Variants in SPESP1 observed in about 807,000 individuals in gnomAD.
The protein encoded by SPESP1 is sperm equatorial segment protein 1, also known as equatorial segment protein.
Under a neutral mutation model 3.1 loss-of-function variants are expected in SPESP1, and 1 was observed. The ratio of observed to expected loss-of-function variants is 0.33; its 90% CI spans 0.12 to 1.54. The LOEUF (loss-of-function observed/expected upper bound fraction) is 1.54. SPESP1 is among the 40% of genes most tolerant of loss of function. The pLI is 0.38. For missense variants in SPESP1, 398 were observed against 410.1 expected (o/e 0.97, Z 0.26); for synonymous variants, 138 against 150.7 (o/e 0.92, Z 0.62).
chr15:68,936,631 T>A (rs1443132233), intron 1 of SPESP1, among the ~76,000 whole-genome samples: 4 of 152,204 alleles, frequency 2.6e-5, no homozygotes. Flanking sequence ...TGGTGGTGAT[T>A]GCACCACTCT....
chr15:68,933,833 T>C (rs916162699), intron 1 of SPESP1, among the ~76,000 whole-genome samples: 3 of 150,992 alleles, frequency 2.0e-5, no homozygotes, highest in Admixed American at 2.0e-4. Flanking sequence ...CATTCCAGCC[T>C]GGCTGACAGA....
intron 1 of SPESP1, among the ~76,000 whole-genome samples, chr15:68,934,449 G>C (rs1362938616): frequency 6.6e-6 from 1 of 152,200 alleles, no homozygotes; most frequent in African/African-American, 2.4e-5. Context: ...TAGTGCCCAA[G>C]GCTACAGCAT....
intron 1 of SPESP1, among the ~76,000 whole-genome samples, 163 bp downstream of exon 1, chr15:68,930,880 C>G (rs571393317): frequency 2.8e-4 from 42 of 152,238 alleles, no homozygotes; most frequent in African/African-American, 9.6e-4. Flanking sequence ...TCCCTCTCCT[C>G]TCCTGGTCAG....
rs1296800197 is a variant in SPESP1 at position 68,946,176 on chromosome 15, T to G, written c.642T>G (p.Phe214Leu). ...CTGCGATAGAAAAACCCGAAGAGTT[T>G]GGAAAGCACCCAGAGAGTTGGAATA... ...GETAIEKPEE[F>L]GKHPESWNND... Residue 214 changes from phenylalanine (F) to leucine (L), a missense_variant, in exon 2 of 2, where the codon TTT becomes TTG. Physicochemically the swap from Phe to Leu is conservative, Grantham distance 22 (BLOSUM62 0). Coordinates refer to ENST00000310673, the MANE Select transcript of SPESP1 (RefSeq NM_145658.4). The G allele has an allele frequency of 1.2e-6, 2 of 1,614,168 alleles. No homozygotes were observed. The highest frequency in any genetic ancestry group is 2.2e-5 in the South Asian group (2 of 91,076).
chr15:68,940,123 A>G (rs1407657686), intron 1 of SPESP1, among the ~76,000 whole-genome samples: 1 of 152,174 alleles, frequency 6.6e-6, no homozygotes, highest in African/African-American at 2.4e-5. Context: ...TATTACTATT[A>G]TTAGCATTTC....
At chr15:68,942,981 A>G (rs570342012) in intron 1 of SPESP1, among the ~76,000 whole-genome samples, 3 of 152,244 alleles carry the variant, frequency 2.0e-5, no homozygotes, top group Admixed American at 6.5e-5. Flanking sequence ...TTTTTATACA[A>G]TTTTGGTTTG....
intron 1 of SPESP1, among the ~76,000 whole-genome samples, chr15:68,941,642 A>T (rs933177815): frequency 2.0e-5 from 3 of 152,122 alleles, no homozygotes; most frequent in Non-Finnish European, 4.4e-5. Flanking sequence ...ATCTCTTATA[A>T]GAACATTTGT....
Position 68,945,699 on chromosome 15 carries a change from G to C in SPESP1, c.165G>C (p.Glu55Asp). ...RSVPSGEPGR[E>D]KKSNSPKHVY... ...TTCCCTCTGGGGAGCCAGGTCGTGA[G>C]AAAAAATCTAACTCTCCAAAACATG... The change falls in exon 2 of 2, where the codon GAG (glutamate) becomes GAC (aspartate). Residue 55 changes from glutamate (E) to aspartate (D), a missense_variant. Transcript: ENST00000310673. The C allele has an allele frequency of 6.2e-7, 1 of 1,613,952 alleles. No individual in the cohort carries two copies. The highest frequency in any genetic ancestry group is 2.2e-5 in the East Asian group (1 of 44,872).
At chr15:68,931,741 T>C (rs755869938) in intron 1 of SPESP1, among the ~76,000 whole-genome samples, 47 of 152,280 alleles carry the variant, frequency 3.1e-4, no homozygotes, top group Middle Eastern at 3.4e-3. Flanking sequence ...ATATTAACAA[T>C]ATCATGTGGG....
At chr15:68,943,041 G>A (rs2140427104) in intron 1 of SPESP1, among the ~76,000 whole-genome samples, 2 of 152,040 alleles carry the variant, frequency 1.3e-5, no homozygotes, top group Middle Eastern at 6.8e-3. Context: ...AAAAATAAAT[G>A]TGACTTATAA....
intron 1 of SPESP1, among the ~76,000 whole-genome samples, chr15:68,933,355 A>G (rs1465702464): frequency 1.3e-5 from 2 of 152,106 alleles, no homozygotes; most frequent in Non-Finnish European, 2.9e-5. Context: ...ATACACACAC[A>G]CACATCCTGA....
rs1246150845 is a variant in SPESP1 at position 68,946,541 on chromosome 15, AT to A, written c.1008del (p.Asn336LysfsTer12). On this transcript the variant is annotated frameshift_variant, in exon 2 of 2. Transcript: ENST00000310673. LOFTEE classifies it high-confidence loss of function. ...KAATVFNTLK[N>X]MCRSRRVTAL... The stretch of plus-strand genomic sequence containing the variant: ...GCTACAGTATTCAATACATTAAAAA[AT>A]ATGTGTAGATCAAGGAGAGTCACAG... The A allele has an allele frequency of 6.3e-7, 1 of 1,576,710 alleles. No individual in the cohort carries two copies.
intron 1 of SPESP1, among the ~76,000 whole-genome samples, chr15:68,933,257 C>A (rs1459168169): frequency 6.6e-6 from 1 of 152,054 alleles, no homozygotes; most frequent in African/African-American, 2.4e-5. Flanking sequence ...TCTAACAGGC[C>A]CAATCCAAGC....
intron 1 of SPESP1, among the ~76,000 whole-genome samples, chr15:68,944,554 G>A (rs1403990964): frequency 6.6e-6 from 1 of 152,086 alleles, no homozygotes; most frequent in Non-Finnish European, 1.5e-5. Flanking sequence ...TGAGGAGAAG[G>A]AAGGTGCTGC....
intron 1 of SPESP1, among the ~76,000 whole-genome samples, chr15:68,933,436 A>G (rs1269517350): frequency 6.6e-6 from 1 of 152,140 alleles, no homozygotes; most frequent in Non-Finnish European, 1.5e-5. Flanking sequence ...TGATTTTTCC[A>G]TAGTTTTAAA....
chr15:68,940,586 CCTTG>C (rs1027506642), intron 1 of SPESP1, among the ~76,000 whole-genome samples: 3 of 151,776 alleles, frequency 2.0e-5, no homozygotes, highest in African/African-American at 7.3e-5. Context: ...CTGTTTTTTC[CCTTG>C]CAATTTAATT....
Position 68,946,085 on chromosome 15 carries a change from T to G in SPESP1, c.551T>G (p.Leu184Ter), listed in dbSNP as rs150235487. ...VTSYKSPVTT[L>*]DKSTGIGIST... is the part of the protein sequence containing the mutation. Reference sequence around the variant, plus strand: ...TCATACAAGTCACCTGTCACCACTTTAGATAAGAGCACTGGCATTGGGATC... The same window carrying G: ...TCATACAAGTCACCTGTCACCACTTGAGATAAGAGCACTGGCATTGGGATC... The change falls in exon 2 of 2, where the codon TTA becomes TGA. Residue 184 changes from leucine to a stop codon, truncating the protein, a stop_gained. Transcript: ENST00000310673. LOFTEE classifies it low-confidence loss of function (END_TRUNC). 27 of 1,614,186 alleles carry G rather than the reference T, an allele frequency of 1.7e-5. No individual in the cohort carries two copies. Among genetic ancestry groups the G allele is most frequent in the Middle Eastern group, 1.6e-4 (1 of 6,062 alleles).
intron 1 of SPESP1, 31 bp downstream of exon 1, chr15:68,930,748 C>T (rs1470110322): frequency 8.7e-6 from 14 of 1,613,250 alleles, no homozygotes; most frequent in Non-Finnish European, 1.1e-5. Context: ...GGCAGCGGAC[C>T]GGGGACACCC....
At chr15:68,938,774 T>G (rs1230807956) in intron 1 of SPESP1, among the ~76,000 whole-genome samples, 2 of 152,216 alleles carry the variant, frequency 1.3e-5, no homozygotes, top group African/African-American at 4.8e-5. Context: ...TAAGGCAGCC[T>G]GTGTTCAAAT....
Sources: gnomAD v4.1 joint callset for allele counts (sites outside exome capture counted in the v4.1 genomes callset) on GRCh38, gnomAD v4.1.1 for gene constraint, MANE v1.5 for transcripts, NCBI Gene and HGNC (gene_info 2026-07-23, HGNC 2026-07-21) for gene names.